The following SHANK2 variants were observed in gnomAD, a reference collection of about 807,000 sequenced individuals.
SHANK2 encodes the protein SH3 and multiple ankyrin repeat domains 2, also known as SH3 and multiple ankyrin repeat domains protein 2.
Under a neutral mutation model 133.7 loss-of-function variants are expected in SHANK2, and 43 were observed. The ratio of observed to expected loss-of-function variants is 0.32; its 90% confidence interval spans 0.25 to 0.41. The LOEUF (loss-of-function observed/expected upper bound fraction) is 0.41. Ranked by LOEUF, SHANK2 falls within the 10% of genes least tolerant of loss-of-function variation. The pLI, the probability that SHANK2 is intolerant of heterozygous loss-of-function variation, is 1.00. For synonymous variants in SHANK2, 1,017 were observed against 952.8 expected (o/e 1.07, Z -1.24); for missense variants, 1,994 against 2,235.8 (o/e 0.89, Z 2.18).
intron 2 of SHANK2, among the ~76,000 whole-genome samples, chr11:71,171,982 G>T (rs958795081): frequency 1.3e-5 from 2 of 152,148 alleles, no homozygotes; most frequent in African/African-American, 4.8e-5. Context: ...CCCTGGGCCT[G>T]GGAGGCCTCC....
intron 17 of SHANK2, among the ~76,000 whole-genome samples, chr11:70,528,877 C>G (rs1379025475): frequency 9.9e-5 from 15 of 152,254 alleles, no homozygotes; most frequent in Admixed American, 9.1e-4. Context: ...AGGGTCCCCA[C>G]ACCCGCCTCT....
chr11:71,058,662 G>A (rs1950950063), intron 9 of SHANK2, among the ~76,000 whole-genome samples: 1 of 152,238 alleles, frequency 6.6e-6, no homozygotes. Flanking sequence ...GCCGAAGCCT[G>A]TACTGGGCAG....
At chr11:71,126,769 C>T (rs1390430321) in intron 3 of SHANK2, among the ~76,000 whole-genome samples, 2 of 148,612 alleles carry the variant, frequency 1.3e-5, no homozygotes, top group Non-Finnish European at 3.0e-5. Flanking sequence ...TTCTGTCACC[C>T]AGGCTGGAGT....
At chr11:70,781,066 T>TA (rs1234153988) in intron 14 of SHANK2, among the ~76,000 whole-genome samples, 1 of 151,972 alleles carries the variant, frequency 6.6e-6, no homozygotes, top group Non-Finnish European at 1.5e-5. Flanking sequence ...GTTCTCTGTT[T>TA]ATGAGCCCAA....
chr11:70,645,926 G>A (rs2061253990), intron 17 of SHANK2, among the ~76,000 whole-genome samples: 1 of 152,156 alleles, frequency 6.6e-6, no homozygotes. Flanking sequence ...CCTGTGATGG[G>A]TCATCCTATG....
At chr11:70,852,951 G>A (rs1405269404) in intron 11 of SHANK2, among the ~76,000 whole-genome samples, 1 of 152,240 alleles carries the variant, frequency 6.6e-6, no homozygotes, top group African/African-American at 2.4e-5. Context: ...ATCACTGTCA[G>A]CCAGAGGAAG....
intron 11 of SHANK2, among the ~76,000 whole-genome samples, chr11:70,874,961 ATGTAACT>A (rs1949533201): frequency 6.6e-6 from 1 of 152,370 alleles, no homozygotes. Context: ...TGAGAACCAC[ATGTAACT>A]ATAACAGGCT....
intron 17 of SHANK2, among the ~76,000 whole-genome samples, chr11:70,613,199 GTTTTTCT>G (rs782022134): frequency 9.9e-5 from 15 of 152,140 alleles, no homozygotes; most frequent in Middle Eastern, 3.4e-3. Flanking sequence ...TTTTTTTCAT[GTTTTTCT>G]TTTTTCTTTT....
At chr11:70,692,429 A>C (rs1437783668) in intron 15 of SHANK2, among the ~76,000 whole-genome samples, 1 of 152,252 alleles carries the variant, frequency 6.6e-6, no homozygotes, top group Non-Finnish European at 1.5e-5. Flanking sequence ...TTTGCAAACA[A>C]CAGGAACTGA....
intron 22 of SHANK2, among the ~76,000 whole-genome samples, chr11:70,491,854 C>T (rs913006926): frequency 1.9e-4 from 29 of 152,214 alleles, no homozygotes; most frequent in African/African-American, 3.9e-4. Context: ...GCACCCACTG[C>T]GCCCAGCAGC....
At chr11:70,489,226 C>A in intron 24 of SHANK2, 102 bp downstream of exon 24, 1 of 1,194,948 alleles carries the variant, frequency 8.4e-7, no homozygotes, top group Non-Finnish European at 1.3e-6. Flanking sequence ...AGTTGGCTGT[C>A]TGGCAATTCT....
Position 70,535,573 on chromosome 11 carries a change from C to T in SHANK2, c.2062-32642G>A, listed in dbSNP as rs545219683. 6.6e-6 allele frequency among the ~76,000 whole-genome samples: 1 copy of T among 152,354 alleles called. No homozygotes were observed. The highest frequency in any genetic ancestry group is 1.9e-4 in the East Asian group (1 of 5,186). On this transcript the variant is annotated intron_variant, in intron 17 of 25. Transcript: ENST00000601538. This position sits in a 1 kb window ranked among gnomAD's most constrained non-coding sequence, Gnocchi z 4.3. ...CTGTCTGTTCGTCCATCTCCCCGTC[C>T]TTCTGTCTGCTGGTGCATCTCATGT...
intron 3 of SHANK2, among the ~76,000 whole-genome samples, chr11:71,134,184 G>T (rs1255441275): frequency 6.6e-6 from 1 of 151,824 alleles, no homozygotes; most frequent in East Asian, 2.0e-4. Flanking sequence ...GAGAGGCAAA[G>T]AACTGAGACA....
At chr11:70,769,248 C>A (rs1250948958) in intron 14 of SHANK2, among the ~76,000 whole-genome samples, 4 of 152,170 alleles carry the variant, frequency 2.6e-5, no homozygotes, top group Non-Finnish European at 5.9e-5. Flanking sequence ...GTGCTCCTGG[C>A]AGTAAGTAGG....
intron 14 of SHANK2, among the ~76,000 whole-genome samples, chr11:70,740,892 T>C (rs494480): frequency 0.54 from 82,677 of 152,076 alleles, 22,754 homozygotes; most frequent in African/African-American, 0.62. Context: ...ACATCCTGAG[T>C]ACCTGCAGCC....
intron 17 of SHANK2, among the ~76,000 whole-genome samples, chr11:70,558,812 ACAGGAGGG>A (rs1358720983): frequency 6.6e-6 from 1 of 152,164 alleles, no homozygotes; most frequent in African/African-American, 2.4e-5. Context: ...ACAGGAGAGC[ACAGGAGGG>A]CTCCGGCTTC....
chr11:70,537,058 G>A (rs1554974290), intron 17 of SHANK2, among the ~76,000 whole-genome samples: 1 of 152,212 alleles, frequency 6.6e-6, no homozygotes, highest in Non-Finnish European at 1.5e-5. Context: ...AGGGGTGGGG[G>A]CACGGTCTGC....
intron 11 of SHANK2, among the ~76,000 whole-genome samples, chr11:70,867,766 C>T (rs1047279509): frequency 1.3e-5 from 2 of 152,232 alleles, no homozygotes; most frequent in Non-Finnish European, 2.9e-5. Flanking sequence ...ACCTTTATTG[C>T]CTAGGACTCT....
chr11:70,816,086 C>T (rs1184215205), intron 12 of SHANK2, among the ~76,000 whole-genome samples: 1 of 152,206 alleles, frequency 6.6e-6, no homozygotes, highest in Non-Finnish European at 1.5e-5. Context: ...ACACTGTCCA[C>T]AATAAGGATG....
Sources: allele counts gnomAD v4.1 joint callset (sites outside exome capture counted in the v4.1 genomes callset), GRCh38; gene constraint gnomAD v4.1.1; non-coding constraint Gnocchi (gnomAD v3.1); transcripts MANE v1.5; gene names NCBI Gene and HGNC (gene_info 2026-07-23, HGNC 2026-07-21).